RTTN: variants seen among roughly 807,000 people sequenced by gnomAD.
RTTN encodes the protein rotatin.
A neutral mutation model predicts 269.2 loss-of-function variants in RTTN; 182 were observed. That is an observed-to-expected ratio of 0.68 (90% CI 0.60 to 0.76). RTTN has a LOEUF of 0.76. Among genes scored for constraint, RTTN ranks in the 30% least tolerant of loss-of-function variants. The pLI is 0.00. For missense variants in RTTN, 2,545 were observed against 2,608.6 expected (o/e 0.98, Z 0.53); for synonymous variants, 1,006 against 963.5 (o/e 1.04, Z -0.82).
chr18:70,033,225 C>A (rs914641023), intron 40 of RTTN, among the ~76,000 whole-genome samples: 5 of 152,218 alleles, frequency 3.3e-5, no homozygotes, highest in Non-Finnish European at 7.3e-5. Flanking sequence ...TTTCCTGAGG[C>A]CTTCCCAGAA....
At position 70,142,396 on chromosome 18, in the gene RTTN, C is replaced by CAAA; in HGVS notation, c.2482-12_2482-10dup. 6.0e-6 allele frequency: 6 copies of CAAA among 1,005,538 alleles called. No homozygotes were observed. The highest frequency in any genetic ancestry group is 4.1e-5 in the African/African-American group (2 of 49,138). The allele number at this position is 1,005,538 out of a possible 1,614,324, so 62.3% of individuals were successfully genotyped here. A position where few individuals can be genotyped will look rare whatever the true frequency, so the allele number is the denominator to read the frequency against. ...TTTTCAACAGTCTCCAACTACAAAC[C>CAAA]AAAAAAAAAAAAAAACCAAAATTAC... On this transcript the variant is annotated splice_polypyrimidine_tract_variant and intron_variant, in intron 18 of 48. Coordinates refer to ENST00000640769, the MANE Select transcript of RTTN (RefSeq NM_173630.4).
chr18:70,016,780 T>C (rs771152256), intron 46 of RTTN, among the ~76,000 whole-genome samples: 2 of 151,848 alleles, frequency 1.3e-5, no homozygotes, highest in Non-Finnish European at 2.9e-5. Flanking sequence ...CTCTCAATCA[T>C]CAAATATTTA....
chr18:70,013,053 G>A (rs192119540), intron 46 of RTTN, among the ~76,000 whole-genome samples: 47 of 152,292 alleles, frequency 3.1e-4, no homozygotes, highest in African/African-American at 8.4e-4. Flanking sequence ...CGCTGCAGCC[G>A]ACTCCCTGAA....
rs764311905 is a variant in RTTN, at chr18:70,073,918, G to A, written c.4641C>T (p.Thr1547=). The part of the protein sequence containing the change: ...SQDRDPSSLS[T]SETTVAPSLG... Reference sequence around the variant, plus strand: ...TCTTTGCAAGTACCGTTGTTTCTGAGGTGGAGAGAGAACTTGGATCTCGAT... The same window carrying A: ...TCTTTGCAAGTACCGTTGTTTCTGAAGTGGAGAGAGAACTTGGATCTCGAT... Residue 1547 remains threonine (T), a synonymous_variant, in exon 34 of 49, where the codon ACC becomes ACT. Coordinates refer to ENST00000640769, the MANE Select transcript of RTTN (RefSeq NM_173630.4). The A allele has an allele frequency of 6.2e-7, 1 of 1,610,104 alleles. No individual in the cohort carries two copies. The highest frequency in any genetic ancestry group is 8.5e-7 in the Non-Finnish European group (1 of 1,176,880).
intron 23 of RTTN, chr18:70,131,950 A>G (rs943933607): frequency 1.3e-5 from 2 of 152,030 alleles, no homozygotes; most frequent in African/African-American, 2.4e-5. Context: ...TTCTTAAAAA[A>G]AAAAAGTACA....
chr18:70,024,553 T>G (rs2056798194), intron 44 of RTTN, among the ~76,000 whole-genome samples, 169 bp downstream of exon 44: 1 of 152,210 alleles, frequency 6.6e-6, no homozygotes, highest in Non-Finnish European at 1.5e-5. Context: ...CACTAAAATA[T>G]CTGTCTGCTC....
rs781601735 is a variant in RTTN, at chr18:70,028,807, TA to T, written c.5746-7del. 5.6e-6 allele frequency: 9 copies of T among 1,603,866 alleles called. No homozygotes were observed. Reference sequence around the variant, plus strand: ...TCTTTAATAACACCATCCTCCTATTTAAACAAAAAGCAGTTGAAAACTGTGA... The same window carrying T: ...TCTTTAATAACACCATCCTCCTATTTAACAAAAAGCAGTTGAAAACTGTGA... On this transcript the variant is annotated splice_region_variant and splice_polypyrimidine_tract_variant and intron_variant, in intron 42 of 48. Transcript: ENST00000640769.
intron 36 of RTTN, among the ~76,000 whole-genome samples, chr18:70,058,402 C>A (rs1442565114): frequency 6.6e-6 from 1 of 152,030 alleles, no homozygotes; most frequent in Non-Finnish European, 1.5e-5. Flanking sequence ...CCTGTAATCC[C>A]AGCTACTCAG....
chr18:70,189,493 G>C (rs991453757), intron 9 of RTTN, among the ~76,000 whole-genome samples: 1 of 152,140 alleles, frequency 6.6e-6, no homozygotes, highest in Non-Finnish European at 1.5e-5. Context: ...TTTATCAAAC[G>C]TTGAAAATGT....
intron 43 of RTTN, 152 bp from the exon 44 acceptor site, chr18:70,025,000 ACATGGCTGCCC>A: frequency 1.2e-6 from 1 of 823,276 alleles, no homozygotes; most frequent in Non-Finnish European, 1.9e-6. Context: ...TGGGCTCCAC[ACATGGCTGCCC>A]TGACCACGAG....
chr18:70,054,925 T>A (rs1303113244), intron 37 of RTTN, among the ~76,000 whole-genome samples: 1 of 151,990 alleles, frequency 6.6e-6, no homozygotes, highest in Non-Finnish European at 1.5e-5. Context: ...TATAATTTTG[T>A]AAAGAAAGAA....
chr18:70,186,962 T>A (rs1008779019), intron 10 of RTTN, among the ~76,000 whole-genome samples: 1 of 152,106 alleles, frequency 6.6e-6, no homozygotes, highest in Non-Finnish European at 1.5e-5. Context: ...CAAACCCCCA[T>A]GACACAGTTT....
intron 11 of RTTN, 65 bp from the exon 12 acceptor site, chr18:70,169,132 A>T: frequency 8.7e-7 from 1 of 1,146,888 alleles, no homozygotes; most frequent in South Asian, 1.7e-5. Flanking sequence ...TTAGAGAAAC[A>T]TAGTGGGCTA....
intron 30 of RTTN, among the ~76,000 whole-genome samples, chr18:70,089,831 A>T (rs1351251680): frequency 6.6e-6 from 1 of 152,240 alleles, no homozygotes; most frequent in Non-Finnish European, 1.5e-5. Context: ...AAGTGTTGAA[A>T]AATTGGCTTG....
At chr18:70,163,815 A>G (rs2060911695) in intron 14 of RTTN, among the ~76,000 whole-genome samples, 1 of 152,148 alleles carries the variant, frequency 6.6e-6, no homozygotes, top group East Asian at 1.9e-4. Context: ...CAGATTGTGG[A>G]GCCTTTTAGA....
chr18:70,175,096 T>A (rs1599912580), intron 11 of RTTN, among the ~76,000 whole-genome samples: 1 of 131,888 alleles, frequency 7.6e-6, no homozygotes, highest in Non-Finnish European at 1.7e-5. Flanking sequence ...ACGCTGTCAA[T>A]TGGACTTAAA....
At chr18:70,119,181 A>G (rs1206654405) in intron 26 of RTTN, among the ~76,000 whole-genome samples, 1 of 152,034 alleles carries the variant, frequency 6.6e-6, no homozygotes, top group Non-Finnish European at 1.5e-5. Context: ...AATCTAGAAA[A>G]ACCTAGACTC....
At chr18:70,150,295 G>C (rs1300419290) in intron 15 of RTTN, 5 of 563,384 alleles carry the variant, frequency 8.9e-6, no homozygotes, top group Non-Finnish European at 1.6e-5. Context: ...ATGTACATTT[G>C]TCCCTTGAGT....
At chr18:70,019,778 T>C (rs1359851833) in intron 45 of RTTN, 1 of 152,242 alleles carries the variant, frequency 6.6e-6, no homozygotes, top group Non-Finnish European at 1.5e-5. Context: ...AAGATTGATC[T>C]TTCCATTTCC....
Sources: allele counts gnomAD v4.1 joint callset (sites outside exome capture counted in the v4.1 genomes callset), GRCh38; gene constraint gnomAD v4.1.1; transcripts MANE v1.5; gene names NCBI Gene and HGNC (gene_info 2026-07-23, HGNC 2026-07-21).